TRIM66: variants seen among roughly 807,000 people sequenced by gnomAD.
TRIM66 encodes the protein tripartite motif containing 66.
A neutral mutation model predicts 148.2 loss-of-function variants in TRIM66; 99 were observed. The observed-to-expected ratio is 0.67, with a 90% confidence interval of 0.57 to 0.79. The LOEUF (loss-of-function observed/expected upper bound fraction) is 0.79, where lower values mean the gene tolerates loss of function less well. Among genes scored for constraint, TRIM66 ranks in the 30% least tolerant of loss-of-function variants. TRIM66 has a pLI of 0.00. For missense variants in TRIM66, 1,666 were observed against 1,697.9 expected, an observed-to-expected ratio of 0.98 and a Z score of 0.33; for synonymous variants, 616 against 635.9, an observed-to-expected ratio of 0.97 and a Z score of 0.47.
At chr11:8,675,779 G>T (rs548962711) in intron 3 of TRIM66, among the ~76,000 whole-genome samples, 4 of 150,668 alleles carry the variant, frequency 2.7e-5, no homozygotes, top group Non-Finnish European at 5.9e-5. Flanking sequence ...TCGCTCTGTC[G>T]TCAGGCTGGA....
At position 8,622,365 on chromosome 11, in the gene TRIM66, C is replaced by CACACACATATATATATATATATAT; in HGVS notation, c.3080+450_3080+451insATATATATATATATATATGTGTGT. ...ACACACACACACACACACACACACA[C>CACACACATATATATATATATATAT]ATATATATATATATATATCTCCTAC... On this transcript the variant is annotated intron_variant, in intron 18 of 24. Transcript: ENST00000646038. Among the ~76,000 whole-genome samples the CACACACATATATATATATATATAT allele has an allele frequency of 2.9e-3, 174 of 59,544 alleles. 5 individuals are homozygous for CACACACATATATATATATATATAT. Among genetic ancestry groups the CACACACATATATATATATATATAT allele is most frequent in the Non-Finnish European group, 5.2e-3 (133 of 25,550 alleles). The allele number at this position is 59,544 out of a possible 152,430, so 39.1% of individuals were successfully genotyped here.
intron 7 of TRIM66, 71 bp from the exon 8 acceptor site, chr11:8,649,958 T>C: frequency 6.6e-7 from 1 of 1,503,780 alleles, no homozygotes; most frequent in South Asian, 1.3e-5. Context: ...TGGTAAATGC[T>C]CTAAAGACAG....
chr11:8,618,340 C>T (rs573936809), intron 24 of TRIM66, among the ~76,000 whole-genome samples: 1 of 152,230 alleles, frequency 6.6e-6, no homozygotes. Context: ...TCCTTACCTA[C>T]ACCAAGGGGC....
chr11:8,679,582 A>ATGGT (rs1035293660), intron 3 of TRIM66, 38 bp downstream of exon 3: 1 of 152,708 alleles, frequency 6.5e-6, no homozygotes, highest in African/African-American at 2.4e-5. Context: ...AATACCACTG[A>ATGGT]TGGTTCCCTT....
In TRIM66 at chr11:8,646,569, C is replaced by T. The variant is rs763114264; in HGVS notation, c.843-8G>A. 1 of 1,545,062 alleles carries T rather than the reference C, an allele frequency of 6.5e-7. No individual in the cohort carries two copies. Among genetic ancestry groups the T allele is most frequent in the South Asian group, 1.2e-5 (1 of 83,922 alleles). On this transcript the variant is annotated splice_polypyrimidine_tract_variant and splice_region_variant and intron_variant, in intron 10 of 24. Transcript: ENST00000646038. ...TGCTTCACTTCAAAAATCCTGTAAA[C>T]ACAATGGGACAAACCATGGTAAGCT...
At chr11:8,630,661 G>A (rs527556541) in intron 15 of TRIM66, among the ~76,000 whole-genome samples, 1 of 152,098 alleles carries the variant, frequency 6.6e-6, no homozygotes, top group East Asian at 1.9e-4. Context: ...ATCTCCTCTC[G>A]ATCCTCGTTT....
At chr11:8,663,904 C>A (rs11042027) in intron 6 of TRIM66, among the ~76,000 whole-genome samples, 2,350 of 152,118 alleles carry the variant, frequency 0.015, 20 homozygotes, top group East Asian at 0.044. Context: ...AGCTCACTCA[C>A]GTAGAATCTA....
intron 18 of TRIM66, among the ~76,000 whole-genome samples, chr11:8,622,373 T>TATATATATATATATATAC (rs2034369325): frequency 1.8e-5 from 1 of 54,516 alleles, no homozygotes; most frequent in Admixed American, 1.7e-4. Context: ...CACATATATA[T>TATATATATATATATATAC]ATATATATAT....
intron 6 of TRIM66, among the ~76,000 whole-genome samples, chr11:8,670,963 T>G (rs181210379): frequency 6.6e-6 from 1 of 152,222 alleles, no homozygotes; most frequent in Non-Finnish European, 1.5e-5. Context: ...TGAAAATATG[T>G]GTGTGGACCT....
At chr11:8,654,305 TCTG>T (rs1257358351) in intron 6 of TRIM66, 1 of 152,244 alleles carries the variant, frequency 6.6e-6, no homozygotes, top group Non-Finnish European at 1.5e-5. Context: ...GCCCAACATC[TCTG>T]CTATCTCTTG....
At chr11:8,642,910 G>T in intron 13 of TRIM66, 99 bp downstream of exon 13, 2 of 440,914 alleles carry the variant, frequency 4.5e-6, no homozygotes, top group Non-Finnish European at 7.4e-6. Flanking sequence ...GTCCCAGAGA[G>T]TGCTTTCTCT....
chr11:8,647,933 G>T, intron 10 of TRIM66, 37 bp downstream of exon 10: 1 of 1,477,228 alleles, frequency 6.8e-7, no homozygotes, highest in Non-Finnish European at 9.3e-7. Context: ...CGGGAACAGA[G>T]CATTTCCAGC....
At chr11:8,653,324 A>T (rs2037526601) in intron 6 of TRIM66, among the ~76,000 whole-genome samples, 1 of 152,194 alleles carries the variant, frequency 6.6e-6, no homozygotes, top group South Asian at 2.1e-4. Context: ...TCTTTGGCCA[A>T]CAGAATGCAG....
At position 8,641,044 on chromosome 11, in the gene TRIM66, T is replaced by C; in HGVS notation, c.1331A>G (p.Gln444Arg). The C allele has an allele frequency of 1.3e-6, 2 of 1,551,720 alleles. No homozygotes were observed. Among genetic ancestry groups the C allele is most frequent in the Non-Finnish European group, 1.7e-6 (2 of 1,147,006 alleles). ...FYQSHQSPVA[Q>R]QEALSHPSHK... ...TGAGGGGTGGCTAAGAGCCTCTTGC[T>C]GAGCCACTGGAGACTGGTGGCTTTG... is the stretch of plus-strand genomic sequence containing the variant. Residue 444 changes from glutamine to arginine, a missense_variant, in exon 14 of 25, where the codon CAG becomes CGG. By Grantham distance (43) the Gln-to-Arg change is conservative. This residue lies in a region of TRIM66 where 1,431 missense variants were observed against 1,412.4 expected (regional missense o/e 1.01). Coordinates refer to ENST00000646038, the MANE Select transcript of TRIM66 (RefSeq NM_001388022.1).
At position 8,643,089 on chromosome 11, in the gene TRIM66, CA is replaced by C; in HGVS notation, c.1141del (p.Cys381ValfsTer24). 1 of 1,551,238 alleles carries C rather than the reference CA, an allele frequency of 6.4e-7. No individual in the cohort carries two copies. Among genetic ancestry groups the C allele is most frequent in the South Asian group, 1.2e-5 (1 of 83,986 alleles). On this transcript the variant is annotated frameshift_variant, in exon 13 of 25. Coordinates refer to ENST00000646038, the MANE Select transcript of TRIM66 (RefSeq NM_001388022.1). LOFTEE classifies it high-confidence loss of function. ...FQMQRLLETS[C>X]NTDPGSPWSI... The stretch of plus-strand genomic sequence containing the variant: ...CCAAGGGGAGCCAGGATCTGTGTTA[CA>C]ACTTGTCTCCAGCAATCGCTGCATC...
chr11:8,646,609 T>C (rs554457875), intron 10 of TRIM66, 48 bp from the exon 11 acceptor site: 48 of 1,444,360 alleles, frequency 3.3e-5, no homozygotes, highest in South Asian at 1.3e-4. Context: ...TCATGGACTA[T>C]ATGAAGACGA....
At chr11:8,670,172 C>T (rs140356246) in intron 6 of TRIM66, among the ~76,000 whole-genome samples, 3,050 of 152,024 alleles carry the variant, frequency 0.02, 117 homozygotes, top group African/African-American at 0.07. Flanking sequence ...AACACCATGC[C>T]CGGCTAATTT....
At chr11:8,661,342 T>A (rs1161115648) in intron 6 of TRIM66, among the ~76,000 whole-genome samples, 2 of 152,246 alleles carry the variant, frequency 1.3e-5, no homozygotes, top group Non-Finnish European at 2.9e-5. Context: ...ACAGGCTTTC[T>A]GTGCCAAGAA....
chr11:8,624,956 G>T lies in TRIM66; in HGVS notation c.2583C>A (p.Asn861Lys), dbSNP rs1176065609. 1.3e-6 allele frequency: 2 copies of T among 1,551,654 alleles called. No individual in the cohort carries two copies. The highest frequency in any genetic ancestry group is 4.9e-5 in the East Asian group (2 of 40,926). ...TAGCCTGAGGGGAGTCACTTATCAG[G>T]TTGGGCATGGACTGGAATGTGCTAT... ...LVHSTFQSMP[N>K]LISDSPQAMA... The change falls in exon 16 of 25, where the codon AAC (asparagine) becomes AAA (lysine). Residue 861 changes from asparagine (N) to lysine (K), a missense_variant. Physicochemically the swap from Asn to Lys is moderately conservative, Grantham distance 94. Around this residue, in one of 3 missense-constraint regions of TRIM66, gnomAD observed 1,431 missense variants for 1,412.4 expected, o/e 1.01. Transcript: ENST00000646038.
Sources: allele counts gnomAD v4.1 joint callset (sites outside exome capture counted in the v4.1 genomes callset), GRCh38; gene constraint gnomAD v4.1.1; regional missense constraint gnomAD v4.1.1; transcripts MANE v1.5; gene names NCBI Gene and HGNC (gene_info 2026-07-23, HGNC 2026-07-21).